DYNC2H1: variants seen among roughly 807,000 people sequenced by gnomAD.
DYNC2H1 encodes the protein cytoplasmic dynein 2 heavy chain 1.
Under a neutral mutation model 570.0 loss-of-function variants are expected in DYNC2H1, and 410 were observed. That is an observed-to-expected ratio of 0.72 (90% CI 0.66 to 0.78). The LOEUF (loss-of-function observed/expected upper bound fraction) is 0.78. Among genes scored for constraint, DYNC2H1 ranks in the 30% least tolerant of loss-of-function variants. DYNC2H1 has a pLI of 0.00. For missense variants in DYNC2H1, 4,865 were observed against 5,046.4 expected, an observed-to-expected ratio of 0.96 and a Z score of 1.09; for synonymous variants, 1,688 against 1,677.6, an observed-to-expected ratio of 1.01 and a Z score of -0.15.
At position 103,177,955 on chromosome 11, in the gene DYNC2H1, A is replaced by G; in HGVS notation, c.6139+135A>G. ...ATTAAGTTAAAATGATGTACATTTG[A>G]TATTTTACTTTGGAGGGGGCCAAGA... On this transcript the variant is annotated intron_variant, in intron 38 of 88. Transcript: ENST00000375735. This position sits in a 1 kb window ranked among gnomAD's most constrained non-coding sequence, Gnocchi z 4.4. The G allele has an allele frequency of 9.5e-7, 1 of 1,047,688 alleles. No homozygotes were observed. 64.9% of individuals were successfully genotyped at this position (1,047,688 alleles called of 1,614,324 possible).
intron 84 of DYNC2H1, chr11:103,408,355 G>A (rs1331273009): frequency 6.6e-6 from 1 of 152,012 alleles, no homozygotes; most frequent in Non-Finnish European, 1.5e-5. Context: ...ATAATAAATA[G>A]GAGGTGGTTA....
intron 83 of DYNC2H1, among the ~76,000 whole-genome samples, chr11:103,360,731 A>C (rs1360488468): frequency 1.3e-5 from 2 of 152,328 alleles, no homozygotes; most frequent in East Asian, 3.9e-4. Flanking sequence ...TTGTGGACAG[A>C]ATAGTCATGG....
intron 75 of DYNC2H1, among the ~76,000 whole-genome samples, chr11:103,288,114 AT>A (rs1032495265): frequency 6.6e-6 from 1 of 151,902 alleles, no homozygotes; most frequent in African/African-American, 2.4e-5. Context: ...TAGTGGTGTT[AT>A]CCCCAGGAGC....
Position 103,307,754 on chromosome 11 carries a change from C to T in DYNC2H1, c.11416C>T (p.Arg3806Cys), listed in dbSNP as rs754753584. The T allele has an allele frequency of 1.1e-5, 17 of 1,603,848 alleles. No individual in the cohort carries two copies. Among genetic ancestry groups the T allele is most frequent in the South Asian group, 3.4e-5 (3 of 89,106 alleles). The part of the protein sequence containing the change: ...LNTLQPKDTF[R>C]LWLTAEVHPN... ...TACTCTTCAACCTAAAGATACCTTT[C>T]GTCTTTGGCTCACTGCAGAAGTTCA... Residue 3806 changes from arginine (R) to cysteine (C), a missense_variant, in exon 78 of 89, where the codon CGT (arginine) becomes TGT (cysteine). Physicochemically the swap from Arg to Cys is radical, Grantham distance 180 (BLOSUM62 -3). Around this residue, in one of 5 missense-constraint regions of DYNC2H1, gnomAD observed 2,401 missense variants for 2,454.6 expected, o/e 0.98. Transcript: ENST00000375735.
At position 103,143,208 on chromosome 11, in the gene DYNC2H1, T is replaced by C; in HGVS notation, c.2575-60T>C. ...GTTTTAATAGTTGAATCCTATTCTA[T>C]TATATGTTAACATATTGGTTCTGTG... On this transcript the variant is annotated intron_variant, in intron 17 of 88. Coordinates refer to ENST00000375735, the MANE Select transcript of DYNC2H1 (RefSeq NM_001377.3). The C allele has an allele frequency of 3.9e-6, 6 of 1,551,708 alleles. No homozygotes were observed. The South Asian group carries it at 7.0e-5, about 18-fold the overall frequency.
At chr11:103,350,897 C>T (rs11225741) in intron 82 of DYNC2H1, among the ~76,000 whole-genome samples, 5,365 of 152,078 alleles carry the variant, frequency 0.035, 310 homozygotes, top group African/African-American at 0.12. Context: ...CCAAACACAG[C>T]CATAATGGGA....
intron 75 of DYNC2H1, among the ~76,000 whole-genome samples, chr11:103,288,042 G>A (rs1866420525): frequency 6.6e-6 from 1 of 152,124 alleles, no homozygotes; most frequent in Non-Finnish European, 1.5e-5. Flanking sequence ...GGGTTTTCAA[G>A]CGAGGTTTTC....
chr11:103,116,157 G>A (rs1591260946), intron 4 of DYNC2H1, among the ~76,000 whole-genome samples: 1 of 152,010 alleles, frequency 6.6e-6, no homozygotes, highest in East Asian at 1.9e-4. Flanking sequence ...ATGAAATATA[G>A]CATGACAAAT....
intron 57 of DYNC2H1, among the ~76,000 whole-genome samples, chr11:103,221,481 C>G (rs1863585048): frequency 6.6e-6 from 1 of 152,160 alleles, no homozygotes; most frequent in Non-Finnish European, 1.5e-5. Flanking sequence ...TTGAGTAGAA[C>G]AAGATTGTGA....
chr11:103,282,039 A>G (rs1464640108), intron 71 of DYNC2H1, 140 bp from the exon 72 acceptor site: 1 of 612,192 alleles, frequency 1.6e-6, no homozygotes, highest in African/African-American at 1.9e-5. Context: ...TAATGTTAAC[A>G]TACTAGAAGA....
chr11:103,437,246 C>T (rs942721178), intron 85 of DYNC2H1, among the ~76,000 whole-genome samples: 2 of 151,830 alleles, frequency 1.3e-5, no homozygotes, highest in Admixed American at 6.6e-5. Context: ...AAGCCATCTT[C>T]GTCATCTTTG....
intron 65 of DYNC2H1, among the ~76,000 whole-genome samples, chr11:103,251,756 G>A (rs969808377): frequency 5.3e-5 from 8 of 152,060 alleles, no homozygotes; most frequent in African/African-American, 1.9e-4. Context: ...ATATATTTGA[G>A]ATCAAGCAGT....
At chr11:103,215,608 T>A in intron 54 of DYNC2H1, 113 bp from the exon 55 acceptor site, 1 of 1,036,238 alleles carries the variant, frequency 9.7e-7, no homozygotes, top group Non-Finnish European at 1.3e-6. Flanking sequence ...TTGCTACTGT[T>A]TTGTATATAC....
chr11:103,150,368 T>C (rs1431118872), intron 20 of DYNC2H1, among the ~76,000 whole-genome samples: 1 of 152,104 alleles, frequency 6.6e-6, no homozygotes, highest in Non-Finnish European at 1.5e-5. Flanking sequence ...GATGGAAGCT[T>C]GTATCATGTA....
intron 88 of DYNC2H1, among the ~76,000 whole-genome samples, chr11:103,475,872 C>A (rs1945532285): frequency 6.6e-6 from 1 of 152,092 alleles, no homozygotes; most frequent in Admixed American, 6.6e-5. Flanking sequence ...AGAAAATCTC[C>A]TGACTAGAAA....
rs1327256188 is a variant in DYNC2H1, at chr11:103,472,300, G to C, written c.12765+3595G>C. Among the ~76,000 whole-genome samples, 1 of 152,100 alleles carries C rather than the reference G, an allele frequency of 6.6e-6. No individual in the cohort carries two copies. The highest frequency in any genetic ancestry group is 1.5e-5 in the Non-Finnish European group (1 of 68,000). On this transcript the variant is annotated intron_variant, in intron 88 of 88. Transcript: ENST00000375735. This position sits in a 1 kb window ranked among gnomAD's most constrained non-coding sequence, Gnocchi z 4.1. The stretch of plus-strand genomic sequence containing the variant: ...ATCACTTTGGGAGGCCAAGGCAGGA[G>C]AATCACTTGAGCCCAGGAGTTAGAG...
Position 103,203,880 on chromosome 11 carries a change from C to CT in DYNC2H1, c.8311+110dup, listed in dbSNP as rs1301801130. ...ATTAGATTGCAAAGGTATCTTAAAT[C>CT]TTTTTTCTGGAGCTTTTAGAAAGTA... On this transcript the variant is annotated intron_variant, in intron 51 of 88. Coordinates refer to ENST00000375735, the MANE Select transcript of DYNC2H1 (RefSeq NM_001377.3). This position sits in a 1 kb window ranked among gnomAD's most constrained non-coding sequence, Gnocchi z 4.7. 1.0e-5 allele frequency: 8 copies of CT among 772,998 alleles called. No homozygotes were observed. The highest frequency in any genetic ancestry group is 8.9e-5 in the African/African-American group (5 of 56,348). 47.9% of individuals were successfully genotyped at this position (772,998 alleles called of 1,614,324 possible). A position where few individuals can be genotyped will look rare whatever the true frequency, so the allele number is the denominator to read the frequency against.
chr11:103,155,580 CA>C (rs1322653978), intron 25 of DYNC2H1, 79 bp downstream of exon 25: 49 of 1,371,862 alleles, frequency 3.6e-5, no homozygotes, highest in Middle Eastern at 5.0e-4. Flanking sequence ...TGTTTAAATA[CA>C]AAAAAAGTCT....
chr11:103,321,296 C>T, intron 81 of DYNC2H1, 59 bp downstream of exon 81: 8 of 1,413,880 alleles, frequency 5.7e-6, no homozygotes, highest in Non-Finnish European at 7.8e-6. Context: ...TCATTTCTTA[C>T]ATTGTTAAAT....
Sources: allele counts gnomAD v4.1 joint callset (sites outside exome capture counted in the v4.1 genomes callset), GRCh38; gene constraint gnomAD v4.1.1; regional missense constraint gnomAD v4.1.1; non-coding constraint Gnocchi (gnomAD v3.1); transcripts MANE v1.5; gene names NCBI Gene and HGNC (gene_info 2026-07-23, HGNC 2026-07-21).